Variants in ITGB6 observed in about 807,000 individuals in gnomAD.
The protein encoded by ITGB6 is integrin subunit beta 6, also known as integrin beta-6.
In ITGB6, 80 loss-of-function variants were observed where a neutral mutation model predicts 84.5. That is an observed-to-expected ratio of 0.95 (90% confidence interval 0.79 to 1.14). The LOEUF is 1.14. Ranked by LOEUF, ITGB6 falls within the 50% of genes most tolerant of loss-of-function variation. ITGB6 has a pLI of 0.00. For synonymous variants in ITGB6, 383 were observed against 354.9 expected, an observed-to-expected ratio of 1.08 and a Z score of -0.89; for missense variants, 1,006 against 968.0, an observed-to-expected ratio of 1.04 and a Z score of -0.52.
intron 7 of ITGB6, among the ~76,000 whole-genome samples, chr2:160,152,961 T>A (rs530026215): frequency 2.0e-4 from 30 of 152,262 alleles, no homozygotes; most frequent in Non-Finnish European, 3.7e-4. Flanking sequence ...TGGAAGAACA[T>A]TCCATGCTCA....
intron 7 of ITGB6, among the ~76,000 whole-genome samples, chr2:160,147,793 C>T (rs894836547): frequency 6.6e-6 from 1 of 152,124 alleles, no homozygotes; most frequent in African/African-American, 2.4e-5. Flanking sequence ...AATCTAGACA[C>T]ATTATTACAC....
intron 1 of ITGB6, among the ~76,000 whole-genome samples, chr2:160,199,491 T>A (rs1686472064): frequency 6.6e-6 from 1 of 152,240 alleles, no homozygotes. Context: ...GCCAAAATTA[T>A]CATGCTCTTT....
intron 4 of ITGB6, among the ~76,000 whole-genome samples, chr2:160,177,939 G>A (rs1685495761): frequency 6.6e-6 from 1 of 152,096 alleles, no homozygotes; most frequent in Non-Finnish European, 1.5e-5. Flanking sequence ...GCAGTGGCAT[G>A]ATCTCGGCTC....
At chr2:160,177,589 A>G (rs1685480368) in intron 4 of ITGB6, among the ~76,000 whole-genome samples, 1 of 151,728 alleles carries the variant, frequency 6.6e-6, no homozygotes, top group African/African-American at 2.4e-5. Context: ...AAAAAGAACC[A>G]TCCTAAAAAT....
intron 7 of ITGB6, among the ~76,000 whole-genome samples, chr2:160,151,925 T>C (rs1684438690): frequency 6.6e-6 from 1 of 152,032 alleles, no homozygotes; most frequent in Non-Finnish European, 1.5e-5. Context: ...AATAGAACAA[T>C]AACAGGCTCC....
At chr2:160,167,627 G>A (rs1685047415) in intron 7 of ITGB6, among the ~76,000 whole-genome samples, 2 of 152,198 alleles carry the variant, frequency 1.3e-5, no homozygotes, top group South Asian at 4.1e-4. Context: ...CCTCGGAAAT[G>A]ATCATTTCCC....
chr2:160,179,497 C>T (rs1401719181), intron 4 of ITGB6, among the ~76,000 whole-genome samples: 1 of 150,230 alleles, frequency 6.7e-6, no homozygotes, highest in Non-Finnish European at 1.5e-5. Context: ...TCTCCTGCCT[C>T]AGCCTCCCGA....
chr2:160,155,856 A>G (rs1287451922), intron 7 of ITGB6, among the ~76,000 whole-genome samples: 1 of 152,236 alleles, frequency 6.6e-6, no homozygotes, highest in East Asian at 1.9e-4. Flanking sequence ...CTCTAGAGAA[A>G]TATACATTAA....
At chr2:160,172,197 G>A (rs1685231901) in intron 6 of ITGB6, among the ~76,000 whole-genome samples, 1 of 152,214 alleles carries the variant, frequency 6.6e-6, no homozygotes, top group African/African-American at 2.4e-5. Context: ...CCTGATTCAA[G>A]GACTATCATT....
intron 14 of ITGB6, among the ~76,000 whole-genome samples, chr2:160,106,573 T>A (rs537262263): frequency 6.6e-6 from 1 of 152,328 alleles, no homozygotes; most frequent in African/African-American, 2.4e-5. Flanking sequence ...TTTTTACAGG[T>A]GGACTGTTCA....
rs757977525 is a variant in ITGB6 at position 160,126,481 on chromosome 2, C to T, written c.1781G>A (p.Arg594His). The T allele has an allele frequency of 3.5e-5, 56 of 1,614,086 alleles. No individual in the cohort carries two copies. In the East Asian group the frequency reaches 3.6e-4, roughly 10 times the overall value. The change falls in exon 11 of 15, where the codon CGC (arginine) becomes CAC (histidine). Residue 594 changes from arginine to histidine, a missense_variant. Arg to His is a conservative substitution (Grantham distance 29, BLOSUM62 0). Coordinates refer to ENST00000283249, the MANE Select transcript of ITGB6 (RefSeq NM_000888.5). ...ACACTTGCCACAAACACAGTCCCCG[C>T]GCCCGCTGCAGAGCACTCCATCTTC... ...VSEDGVLCSG[R>H]GDCVCGKCVC...
chr2:160,148,849 A>G (rs3111396), intron 7 of ITGB6, among the ~76,000 whole-genome samples: 147,393 of 152,366 alleles, frequency 0.97, 71,437 homozygotes, highest in East Asian at 1. Flanking sequence ...CTCACTGCTA[A>G]TGCAGCAGTC....
chr2:160,185,960 A>G (rs1158531091), intron 4 of ITGB6, among the ~76,000 whole-genome samples: 1 of 152,210 alleles, frequency 6.6e-6, no homozygotes, highest in African/African-American at 2.4e-5. Context: ...CACCTTATAT[A>G]AAAATTAACT....
intron 12 of ITGB6, among the ~76,000 whole-genome samples, chr2:160,116,303 C>T (rs948811860): frequency 4.0e-5 from 6 of 151,480 alleles, no homozygotes; most frequent in Non-Finnish European, 8.9e-5. Context: ...ATCAGACTAA[C>T]AGCTGATCTC....
intron 10 of ITGB6, among the ~76,000 whole-genome samples, chr2:160,128,700 C>G (rs1234719084): frequency 6.6e-6 from 1 of 152,082 alleles, no homozygotes; most frequent in African/African-American, 2.4e-5. Context: ...CCCCAGGTGA[C>G]TAGACTGAGC....
chr2:160,199,191 C>G lies in ITGB6; in HGVS notation c.129G>C (p.Trp43Cys). The change falls in exon 2 of 15, where the codon TGG becomes TGC. Residue 43 changes from tryptophan to cysteine, a missense_variant. By Grantham distance (215) the Trp-to-Cys change is radical. Coordinates refer to ENST00000283249, the MANE Select transcript of ITGB6 (RefSeq NM_000888.5). Reference sequence around the variant, plus strand: ...TCATTTATTTTACCTCCTGAGCACACCAGGCACACTGAGGTCCAATAAGCA... The same window carrying G: ...TCATTTATTTTACCTCCTGAGCACAGCAGGCACACTGAGGTCCAATAAGCA... ...DCLLIGPQCA[W>C]CAQENFTHPS... is the part of the protein sequence containing the mutation. 1 of 1,613,810 alleles carries G rather than the reference C, an allele frequency of 6.2e-7. No homozygotes were observed. The highest frequency in any genetic ancestry group is 8.5e-7 in the Non-Finnish European group (1 of 1,179,740).
chr2:160,167,819 A>G (rs1011778455), intron 7 of ITGB6, among the ~76,000 whole-genome samples: 1 of 152,166 alleles, frequency 6.6e-6, no homozygotes, highest in Non-Finnish European at 1.5e-5. Flanking sequence ...ACGATCATCA[A>G]TCGCATTCCC....
intron 13 of ITGB6, among the ~76,000 whole-genome samples, chr2:160,108,214 A>AGTGT (rs57363305): frequency 0.077 from 10,985 of 142,668 alleles, 659 homozygotes; most frequent in East Asian, 0.23. Context: ...GCAGAAATGG[A>AGTGT]GTGTGTGTGT....
intron 4 of ITGB6, among the ~76,000 whole-genome samples, chr2:160,175,708 C>T (rs367630727): frequency 1.6e-4 from 24 of 152,284 alleles, no homozygotes; most frequent in African/African-American, 5.8e-4. Flanking sequence ...ATAGTGCCTT[C>T]GTCTGGAGTT....
Sources: allele counts gnomAD v4.1 joint callset (sites outside exome capture counted in the v4.1 genomes callset), GRCh38; gene constraint gnomAD v4.1.1; transcripts MANE v1.5; gene names NCBI Gene and HGNC (gene_info 2026-07-23, HGNC 2026-07-21).